RALB: variants seen among roughly 807,000 people sequenced by gnomAD.
RALB encodes RAS like proto-oncogene B.
A neutral mutation model predicts 21.3 loss-of-function variants in RALB; 16 were observed. That is an observed-to-expected ratio of 0.75 (90% CI 0.51 to 1.14). The LOEUF (loss-of-function observed/expected upper bound fraction) is 1.14, where lower values mean the gene tolerates loss of function less well. RALB is among the 50% of genes most tolerant of loss of function. The pLI, the probability that RALB is intolerant of heterozygous loss-of-function variation, is 0.00. For missense variants in RALB, 161 were observed against 256.2 expected, an observed-to-expected ratio of 0.63 and a Z score of 2.54; for synonymous variants, 93 against 96.1, an observed-to-expected ratio of 0.97 and a Z score of 0.19.
chr2:120,283,445 C>G (rs573818936), intron 2 of RALB, among the ~76,000 whole-genome samples: 16 of 152,246 alleles, frequency 1.1e-4, no homozygotes, highest in African/African-American at 3.9e-4. Context: ...ATGCTTAACC[C>G]TTATTTAAAA....
intron 1 of RALB, among the ~76,000 whole-genome samples, chr2:120,246,035 C>G (rs997355210): frequency 6.6e-6 from 1 of 152,182 alleles, no homozygotes; most frequent in African/African-American, 2.4e-5. Context: ...TTTTACCCCC[C>G]GACACCACCC....
intron 1 of RALB, among the ~76,000 whole-genome samples, chr2:120,267,992 A>G (rs1228881460): frequency 6.6e-6 from 1 of 152,126 alleles, no homozygotes; most frequent in Non-Finnish European, 1.5e-5. Flanking sequence ...GGGTTTCACC[A>G]TGTGGGCCGG....
intron 1 of RALB, among the ~76,000 whole-genome samples, chr2:120,263,194 A>G (rs1323111403): frequency 5.3e-5 from 8 of 152,202 alleles, no homozygotes; most frequent in African/African-American, 1.2e-4. Flanking sequence ...ATTTTGAGGT[A>G]AGTTCTCACT....
At chr2:120,268,511 A>G (rs1408750371) in intron 1 of RALB, among the ~76,000 whole-genome samples, 2 of 152,236 alleles carry the variant, frequency 1.3e-5, no homozygotes, top group African/African-American at 4.8e-5. Flanking sequence ...ACCAGATGCC[A>G]TGGCTTACAC....
chr2:120,259,705 C>T lies in RALB; in HGVS notation c.-48+6725C>T, dbSNP rs553332476. On this transcript the variant is annotated intron_variant, in intron 1 of 4. Transcript: ENST00000272519. Reference sequence around the variant, plus strand: ...TGGCTTCACCTAGTGGATCCCGCACCGGGGCTGCAGGTGGAGCTGCCTGCC... The same window carrying T: ...TGGCTTCACCTAGTGGATCCCGCACTGGGGCTGCAGGTGGAGCTGCCTGCC... Among the ~76,000 whole-genome samples the T allele has an allele frequency of 1.7e-4, 26 of 152,386 alleles. No homozygotes were observed. In the South Asian group the frequency reaches 2.3e-3, roughly 13 times the overall value.
intron 1 of RALB, chr2:120,240,140 TC>T (rs1354015872): frequency 3.9e-6 from 5 of 1,289,696 alleles, no homozygotes; most frequent in Non-Finnish European, 5.1e-6. Context: ...GTGCCCGCCC[TC>T]GGTGTGGATT....
At chr2:120,269,073 C>T (rs995214873) in intron 1 of RALB, among the ~76,000 whole-genome samples, 1 of 152,180 alleles carries the variant, frequency 6.6e-6, no homozygotes, top group Non-Finnish European at 1.5e-5. Context: ...AGCACTTCTC[C>T]ATTCTTTTCA....
At chr2:120,249,298 G>C (rs1347741091), upstream of RALB, among the ~76,000 whole-genome samples, 1 of 152,166 alleles carries the variant, frequency 6.6e-6, no homozygotes, top group African/African-American at 2.4e-5. Flanking sequence ...CTCCTAAAGT[G>C]CTGGAATTAC....
At chr2:120,265,061 G>A (rs1281039530) in intron 1 of RALB, among the ~76,000 whole-genome samples, 1 of 152,226 alleles carries the variant, frequency 6.6e-6, no homozygotes, top group Non-Finnish European at 1.5e-5. Flanking sequence ...GAACATGGGT[G>A]TATAAATATC....
At chr2:120,276,627 G>A (rs1241186134) in intron 1 of RALB, among the ~76,000 whole-genome samples, 1 of 151,802 alleles carries the variant, frequency 6.6e-6, no homozygotes, top group Admixed American at 6.6e-5. Context: ...AAAAAAAGGA[G>A]GAAGTTCTGC....
chr2:120,257,668 G>C (rs1689232860), intron 1 of RALB, among the ~76,000 whole-genome samples: 1 of 152,242 alleles, frequency 6.6e-6, no homozygotes, highest in African/African-American at 2.4e-5. Context: ...CTGTTAGGCA[G>C]AGTTGAAAAG....
rs899057598 is a variant in RALB, at chr2:120,289,879, G to T, written c.501+122G>T. The T allele has an allele frequency of 4.1e-5, 36 of 882,246 alleles. No homozygotes were observed. The African/African-American group carries it at 4.8e-4, about 12-fold the overall frequency. 54.7% of individuals were successfully genotyped at this position (882,246 alleles called of 1,614,324 possible). On this transcript the variant is annotated intron_variant, in intron 4 of 4. Transcript: ENST00000272519. ...ACTAGGTGAAGATTCTGATTCCTAT[G>T]AATGTCTAAGCCATTATCATGATTA...
In RALB at chr2:120,247,320, A is replaced by G. The variant is rs1261723345; in HGVS notation, c.19+7195A>G. On this transcript the variant is annotated intron_variant, in intron 1 of 3. Coordinates refer to the RALB transcript ENST00000447591. ...CAGCTAATTAAATAATTTAAAATTG[A>G]AATTGAGATGCATGGGTTTTTTTCC... Among the ~76,000 whole-genome samples, 3 of 152,220 alleles carry G rather than the reference A, an allele frequency of 2.0e-5. No individual in the cohort carries two copies. In the East Asian group the frequency reaches 5.8e-4, roughly 29 times the overall value.
At chr2:120,247,971 G>C (rs1164167282), upstream of RALB, among the ~76,000 whole-genome samples, 1 of 152,196 alleles carries the variant, frequency 6.6e-6, no homozygotes, top group East Asian at 1.9e-4. Context: ...ATTTATTCCT[G>C]CACGGGAATG....
chr2:120,277,489 ATGTG>A (rs1468150494), intron 1 of RALB, among the ~76,000 whole-genome samples: 1 of 140,840 alleles, frequency 7.1e-6, no homozygotes, highest in African/African-American at 2.7e-5. Context: ...ATGAACATGT[ATGTG>A]TGGTATGAGC....
chr2:120,263,298 A>C (rs535138334), intron 1 of RALB, among the ~76,000 whole-genome samples: 1 of 147,050 alleles, frequency 6.8e-6, no homozygotes, highest in Admixed American at 6.8e-5. Context: ...CCTCCTGAGT[A>C]GCTGGGACTA....
At chr2:120,260,538 G>T (rs1184453960) in intron 1 of RALB, among the ~76,000 whole-genome samples, 1 of 152,272 alleles carries the variant, frequency 6.6e-6, no homozygotes, top group African/African-American at 2.4e-5. Flanking sequence ...ATGTGGTGCA[G>T]ATGAGGAGGG....
Position 120,273,418 on chromosome 2 carries a change from G to A in RALB, c.-47-5200G>A, listed in dbSNP as rs1272143544. Among the ~76,000 whole-genome samples, 3 of 152,294 alleles carry A rather than the reference G, an allele frequency of 2.0e-5. No individual in the cohort carries two copies. The East Asian group carries it at 5.8e-4, about 29-fold the overall frequency. On this transcript the variant is annotated intron_variant, in intron 1 of 4. Transcript: ENST00000272519. ...TTCTGCAATACTGATGTTATCTATAGGAGCAACTGGGGTAGTCCACATCTT... is the reference window on the plus strand; with the variant it reads ...TTCTGCAATACTGATGTTATCTATAAGAGCAACTGGGGTAGTCCACATCTT...
chr2:120,255,672 G>A (rs1209654680), intron 1 of RALB, among the ~76,000 whole-genome samples: 3 of 152,170 alleles, frequency 2.0e-5, no homozygotes, highest in African/African-American at 7.2e-5. Flanking sequence ...CGGTATATGT[G>A]CTTACTAGAA....
Sources: gnomAD v4.1 joint callset for allele counts (sites outside exome capture counted in the v4.1 genomes callset) on GRCh38, gnomAD v4.1.1 for gene constraint, MANE v1.5 for transcripts, NCBI Gene and HGNC (gene_info 2026-07-23, HGNC 2026-07-21) for gene names.